LMBR1: variants seen among roughly 807,000 people sequenced by gnomAD.
LMBR1 encodes limb region 1 protein homolog.
Under a neutral mutation model 73.9 loss-of-function variants are expected in LMBR1, and 52 were observed. The ratio of observed to expected loss-of-function variants is 0.70; its 90% CI spans 0.56 to 0.89. LMBR1 has a LOEUF of 0.89. LMBR1 is among the 40% of genes least tolerant of loss of function. The probability of loss-of-function intolerance (pLI) is 0.00; values close to 1 mark genes in which losing one functional copy is unlikely to be tolerated. For synonymous variants in LMBR1, 215 were observed against 209.4 expected (o/e 1.03, Z -0.23); for missense variants, 539 against 579.8 (o/e 0.93, Z 0.72).
intron 9 of LMBR1, among the ~76,000 whole-genome samples, chr7:156,755,530 T>C (rs537664417): frequency 1.3e-5 from 2 of 152,380 alleles, no homozygotes; most frequent in Non-Finnish European, 2.9e-5. Flanking sequence ...GGCATGTTTA[T>C]TGCACAGTAG....
intron 1 of LMBR1, among the ~76,000 whole-genome samples, chr7:156,859,791 G>A (rs544766037): frequency 2.6e-4 from 40 of 152,168 alleles, no homozygotes; most frequent in Admixed American, 5.2e-4. Flanking sequence ...TGGATATCAA[G>A]AAAATAATTC....
intron 1 of LMBR1, among the ~76,000 whole-genome samples, chr7:156,886,101 A>G (rs1008668305): frequency 2.0e-5 from 3 of 151,640 alleles, no homozygotes; most frequent in Non-Finnish European, 4.4e-5. Context: ...TGAGCCTGGG[A>G]GATAGAGGCT....
intron 1 of LMBR1, among the ~76,000 whole-genome samples, chr7:156,850,026 G>A (rs945303438): frequency 5.3e-5 from 8 of 152,114 alleles, no homozygotes; most frequent in East Asian, 3.9e-4. Flanking sequence ...AAAGTAATAC[G>A]ATTGCATTAG....
chr7:156,819,059 C>A (rs1487283236), intron 4 of LMBR1, among the ~76,000 whole-genome samples: 1 of 152,182 alleles, frequency 6.6e-6, no homozygotes, highest in Non-Finnish European at 1.5e-5. Context: ...GGTCTCCTAA[C>A]TCCAATGCTC....
intron 15 of LMBR1, among the ~76,000 whole-genome samples, chr7:156,693,211 TATG>T: frequency 6.6e-6 from 1 of 152,182 alleles, no homozygotes; most frequent in Non-Finnish European, 1.5e-5. Context: ...ATCTTTCAAA[TATG>T]ATGAAAATTA....
At chr7:156,671,842 T>C (rs1802621165) in intron 4 of LMBR1, among the ~76,000 whole-genome samples, 2 of 151,782 alleles carry the variant, frequency 1.3e-5, no homozygotes, top group African/African-American at 4.9e-5. Flanking sequence ...AGAAATAAAT[T>C]TTTTTTAAAA....
intron 4 of LMBR1, among the ~76,000 whole-genome samples, chr7:156,798,271 A>C (rs1465854130): frequency 6.6e-6 from 1 of 151,928 alleles, no homozygotes; most frequent in Non-Finnish European, 1.5e-5. Flanking sequence ...GCATTTAATT[A>C]ATTTTTGCTT....
chr7:156,821,298 C>T (rs1010543539), intron 4 of LMBR1, among the ~76,000 whole-genome samples: 7 of 152,232 alleles, frequency 4.6e-5, no homozygotes, highest in African/African-American at 1.7e-4. Context: ...CCTACAGTCT[C>T]CTGGAGAGTT....
At chr7:156,864,793 C>T (rs112504426) in intron 1 of LMBR1, among the ~76,000 whole-genome samples, 11,297 of 151,956 alleles carry the variant, frequency 0.074, 467 homozygotes, top group East Asian at 0.14. Flanking sequence ...GTCAAGAGTT[C>T]GAGACCAGCC....
intron 1 of LMBR1, among the ~76,000 whole-genome samples, chr7:156,874,825 C>T (rs888909330): frequency 1.3e-5 from 2 of 152,214 alleles, no homozygotes; most frequent in African/African-American, 4.8e-5. Flanking sequence ...TTCCCTCTGA[C>T]ATAGCCTACC....
intron 4 of LMBR1, among the ~76,000 whole-genome samples, chr7:156,671,327 AGT>A (rs1316181124): frequency 6.6e-6 from 1 of 152,092 alleles, no homozygotes; most frequent in Non-Finnish European, 1.5e-5. Context: ...AAACGCGAAC[AGT>A]GTGTGTGTGA....
rs73744306 is a variant in LMBR1 at position 156,669,454 on chromosome 7, C to T, written n.867-167G>A. Among the ~76,000 whole-genome samples, 51 of 152,216 alleles carry T rather than the reference C, an allele frequency of 3.4e-4. 1 individual carries two copies. Among genetic ancestry groups the T allele is most frequent in the African/African-American group, 1.2e-3 (50 of 41,528 alleles). On this transcript the variant is annotated intron_variant and non_coding_transcript_variant, in intron 4 of 4. Transcript: ENST00000430825. This position sits in a 1 kb window ranked among gnomAD's most constrained non-coding sequence, Gnocchi z 4.2. ...GCACCCTGAACCCAAATGGAGGAAC[C>T]GTGCCGTTCCCTGGAACCTCTGTCC... is the stretch of plus-strand genomic sequence containing the variant.
Position 156,892,989 on chromosome 7 carries a change from T to G in LMBR1, c.5A>C (p.Glu2Ala). ...CCGCGCCGACACCTCGTCCTGCCCT[T>G]CCATCCTCCTTCATGCCCGCCGCCG... The part of the protein sequence containing the change: M[E>A]GQDEVSAREQ... Residue 2 changes from glutamate (E) to alanine (A), a missense_variant, in exon 1 of 17, where the codon GAA becomes GCA. Physicochemically the swap from Glu to Ala is moderately radical, Grantham distance 107 (BLOSUM62 -1). Coordinates refer to ENST00000353442, the MANE Select transcript of LMBR1 (RefSeq NM_022458.4). 2 of 1,532,742 alleles carry G rather than the reference T, an allele frequency of 1.3e-6. No individual in the cohort carries two copies. Among genetic ancestry groups the G allele is most frequent in the Non-Finnish European group, 1.7e-6 (2 of 1,147,284 alleles). 94.9% of individuals were successfully genotyped at this position (1,532,742 alleles called of 1,614,324 possible). A position where few individuals can be genotyped will look rare whatever the true frequency, so the allele number is the denominator to read the frequency against.
chr7:156,712,583 A>C (rs1812305429), intron 15 of LMBR1, among the ~76,000 whole-genome samples: 2 of 152,236 alleles, frequency 1.3e-5, no homozygotes, highest in Non-Finnish European at 2.9e-5. Context: ...AGCAGCACTG[A>C]TCACAATAGC....
At chr7:156,757,183 C>T (rs973492848) in intron 8 of LMBR1, among the ~76,000 whole-genome samples, 5 of 152,172 alleles carry the variant, frequency 3.3e-5, no homozygotes, top group South Asian at 2.1e-4. Flanking sequence ...TAAATATAGG[C>T]CCAAGCCAAT....
At chr7:156,714,521 C>T (rs987613597) in intron 15 of LMBR1, among the ~76,000 whole-genome samples, 2 of 152,170 alleles carry the variant, frequency 1.3e-5, no homozygotes, top group Non-Finnish European at 2.9e-5. Flanking sequence ...TGGAATGGCA[C>T]GAGACACAGA....
In LMBR1 at chr7:156,811,608, C is replaced by CA. The variant is rs11352812; in HGVS notation, c.319+14996dup. 8.5e-3 allele frequency among the ~76,000 whole-genome samples: 1,245 copies of CA among 146,102 alleles called. 13 individuals are homozygous for CA. The highest frequency in any genetic ancestry group is 0.012 in the Non-Finnish European group (789 of 66,010). ...TGGGCGACAGAGTCAGACTCCGTCT[C>CA]AAAAAAAAAAAAGAATTGTTTTCAT... On this transcript the variant is annotated intron_variant, in intron 4 of 16. Coordinates refer to ENST00000353442, the MANE Select transcript of LMBR1 (RefSeq NM_022458.4).
rs1805457246 is a variant in LMBR1, at chr7:156,683,841, A to G, written c.*237T>C. ...TGTCTACAGAAGAATGCGCTGTTCT[A>G]TATGTCTGTAAGGAATCTGCACTTA... On this transcript the variant is annotated 3_prime_UTR_variant, in exon 17 of 17. Coordinates refer to ENST00000353442, the MANE Select transcript of LMBR1 (RefSeq NM_022458.4). The G allele has an allele frequency of 1.5e-5, 7 of 464,722 alleles. No homozygotes were observed. The highest frequency in any genetic ancestry group is 1.2e-4 in the Admixed American group (3 of 25,852). The allele number at this position is 464,722 out of a possible 1,614,324, so 28.8% of individuals were successfully genotyped here. A position where few individuals can be genotyped will look rare whatever the true frequency, so the allele number is the denominator to read the frequency against.
intron 15 of LMBR1, among the ~76,000 whole-genome samples, chr7:156,696,303 G>A (rs781079440): frequency 1.4e-4 from 22 of 152,262 alleles, no homozygotes; most frequent in Non-Finnish European, 2.4e-4. Flanking sequence ...ATATTTACAC[G>A]TCATATATTT....
Sources: allele counts gnomAD v4.1 joint callset (sites outside exome capture counted in the v4.1 genomes callset), GRCh38; gene constraint gnomAD v4.1.1; non-coding constraint Gnocchi (gnomAD v3.1); transcripts MANE v1.5; gene names NCBI Gene and HGNC (gene_info 2026-07-23, HGNC 2026-07-21).